Variants in MYO9A observed in about 807,000 individuals in gnomAD.
MYO9A encodes unconventional myosin-IXa.
In MYO9A, 103 loss-of-function variants were observed where a neutral mutation model predicts 293.3. The observed-to-expected ratio is 0.35, with a 90% CI of 0.30 to 0.41. The LOEUF (loss-of-function observed/expected upper bound fraction) is 0.41. MYO9A is among the 10% of genes least tolerant of loss of function. The pLI is 1.00. For missense variants in MYO9A, 2,685 were observed against 3,033.0 expected (o/e 0.89, Z 2.69); for synonymous variants, 1,001 against 1,035.7 (o/e 0.97, Z 0.64).
At chr15:72,021,785 A>G (rs538285940) in intron 4 of MYO9A, among the ~76,000 whole-genome samples, 2 of 152,334 alleles carry the variant, frequency 1.3e-5, no homozygotes, top group South Asian at 4.1e-4. Flanking sequence ...GGGAATCTAG[A>G]AGGTCATATG....
chr15:71,956,423 G>A (rs1465992976), intron 14 of MYO9A, among the ~76,000 whole-genome samples: 1 of 146,572 alleles, frequency 6.8e-6, no homozygotes, highest in Non-Finnish European at 1.5e-5. Context: ...TGGGTCACCT[G>A]AGGTCAGGAG....
intron 6 of MYO9A, among the ~76,000 whole-genome samples, chr15:72,012,398 A>C (rs1423497583): frequency 1.3e-5 from 2 of 151,960 alleles, no homozygotes; most frequent in African/African-American, 4.8e-5. Flanking sequence ...GGGTTCAAGC[A>C]ATTCCCCTGC....
intron 33 of MYO9A, among the ~76,000 whole-genome samples, chr15:71,860,258 T>C (rs1047820034): frequency 1.1e-4 from 17 of 152,190 alleles, no homozygotes; most frequent in African/African-American, 3.6e-4. Flanking sequence ...TGAAAACTAA[T>C]TGGGTAGCAC....
Position 72,099,439 on chromosome 15 carries a change from A to AAG in MYO9A, c.-72+18240_-72+18241insCT, listed in dbSNP as rs1555425445. The stretch of plus-strand genomic sequence containing the variant: ...CCCTGCCCCAAAAAAAAAAAAAAAA[A>AAG]AAAGAAAAAAAAATTAGCCAGGTCT... On this transcript the variant is annotated intron_variant, in intron 1 of 41. Transcript: ENST00000356056. 3.5e-4 allele frequency among the ~76,000 whole-genome samples: 52 copies of AAG among 150,376 alleles called. No individual in the cohort carries two copies. In the South Asian group the frequency reaches 4.0e-3, roughly 12 times the overall value.
At chr15:71,930,510 A>T (rs1383238392) in intron 18 of MYO9A, among the ~76,000 whole-genome samples, 1 of 152,006 alleles carries the variant, frequency 6.6e-6, no homozygotes, top group African/African-American at 2.4e-5. Context: ...TATAAGGATA[A>T]CTACTGTTGC....
rs1248423346 is a variant in MYO9A, at chr15:71,893,695, C to T, written c.5126G>A (p.Gly1709Glu). 1 of 1,613,686 alleles carries T rather than the reference C, an allele frequency of 6.2e-7. No individual in the cohort carries two copies. Among genetic ancestry groups the T allele is most frequent in the African/African-American group, 1.3e-5 (1 of 74,898 alleles). ...EPAWKPVKLA[G>E]PGQRETSQRF... ...AAAACTTACCTCTCTTTGGCCTGGCCCAGCTAACTTCACAGGTTTCCATGC... is the reference window on the plus strand; with the variant it reads ...AAAACTTACCTCTCTTTGGCCTGGCTCAGCTAACTTCACAGGTTTCCATGC... Residue 1709 changes from glycine (G) to glutamate (E), a missense_variant, in exon 26 of 42, where the codon GGG (glycine) becomes GAG (glutamate). Transcript: ENST00000356056.
chr15:72,104,899 A>G (rs2080513680), intron 1 of MYO9A, among the ~76,000 whole-genome samples: 2 of 152,240 alleles, frequency 1.3e-5, no homozygotes, highest in South Asian at 4.1e-4. Flanking sequence ...ACATAAGAGC[A>G]GAATTTTCAG....
chr15:72,101,121 C>T (rs1295805352), intron 1 of MYO9A, among the ~76,000 whole-genome samples: 1 of 128,772 alleles, frequency 7.8e-6, no homozygotes, highest in African/African-American at 2.9e-5. Context: ...GAGGTCGGGG[C>T]ATCAGCCTCC....
intron 18 of MYO9A, among the ~76,000 whole-genome samples, chr15:71,924,537 C>T (rs960584345): frequency 3.3e-5 from 5 of 152,060 alleles, no homozygotes; most frequent in African/African-American, 9.7e-5. Context: ...CCAAGGCCCC[C>T]GGCTCCCAAT....
At chr15:71,984,575 T>C (rs1383348803) in intron 11 of MYO9A, among the ~76,000 whole-genome samples, 2 of 152,170 alleles carry the variant, frequency 1.3e-5, no homozygotes, top group African/African-American at 2.4e-5. Flanking sequence ...AAAATTCCTA[T>C]GGCACATGTT....
intron 6 of MYO9A, among the ~76,000 whole-genome samples, chr15:72,017,533 A>T (rs1305817631): frequency 6.6e-6 from 1 of 152,192 alleles, no homozygotes; most frequent in African/African-American, 2.4e-5. Context: ...TTTTTTGTTA[A>T]AATGTATCAG....
At chr15:71,838,019 A>G (rs2055008704) in intron 39 of MYO9A, among the ~76,000 whole-genome samples, 2 of 151,742 alleles carry the variant, frequency 1.3e-5, no homozygotes, top group South Asian at 4.1e-4. Flanking sequence ...GTTTTTTTCC[A>G]TAATTGTTTT....
intron 16 of MYO9A, among the ~76,000 whole-genome samples, chr15:71,936,244 C>G (rs937114557): frequency 3.9e-5 from 6 of 151,982 alleles, no homozygotes; most frequent in African/African-American, 1.4e-4. Flanking sequence ...TGACCCCACT[C>G]GTATGTGGAA....
chr15:71,954,505 C>G (rs956661255), intron 14 of MYO9A, among the ~76,000 whole-genome samples: 3 of 152,196 alleles, frequency 2.0e-5, no homozygotes, highest in African/African-American at 7.2e-5. Flanking sequence ...ACCCAGCCTA[C>G]TCATCATCAA....
chr15:71,989,416 C>A (rs957466572), intron 11 of MYO9A, among the ~76,000 whole-genome samples: 3 of 152,116 alleles, frequency 2.0e-5, no homozygotes, highest in Admixed American at 2.0e-4. Flanking sequence ...TCCAGGACTC[C>A]CTGTGGATAC....
intron 1 of MYO9A, among the ~76,000 whole-genome samples, chr15:72,075,486 A>G (rs1001165574): frequency 1.3e-5 from 2 of 151,956 alleles, no homozygotes; most frequent in African/African-American, 4.8e-5. Flanking sequence ...ATATTTTGTC[A>G]CAGAAGAAGA....
rs919236835 is a variant in MYO9A at position 71,830,289 on chromosome 15, C to G, written c.6860G>C (p.Gly2287Ala). 6.2e-7 allele frequency: 1 copy of G among 1,613,426 alleles called. No homozygotes were observed. The highest frequency in any genetic ancestry group is 8.5e-7 in the Non-Finnish European group (1 of 1,179,828). The change falls in exon 40 of 42, where the codon GGA becomes GCA. Residue 2287 changes from glycine (G) to alanine (A), a missense_variant. This residue lies in a region of MYO9A where 350 missense variants were observed against 328.9 expected (regional missense o/e 1.06). Transcript: ENST00000356056. ...AGGAGACGATGGACCTGGATAGTTTCCTCGACGAATACGCCCCTTTCCCTG... is the reference window on the plus strand; with the variant it reads ...AGGAGACGATGGACCTGGATAGTTTGCTCGACGAATACGCCCCTTTCCCTG... ...RSMGKGRIRRGNYPGPSSPVV... is the reference protein window; with the variant it reads ...RSMGKGRIRRANYPGPSSPVV...
intron 9 of MYO9A, 138 bp downstream of exon 9, chr15:71,999,713 A>G (rs1428701512): frequency 3.5e-6 from 2 of 565,450 alleles, no homozygotes; most frequent in Non-Finnish European, 6.1e-6. Context: ...TCACAATCAA[A>G]TGTAAAGGCC....
At chr15:72,022,388 C>T (rs1243976560) in intron 4 of MYO9A, among the ~76,000 whole-genome samples, 2 of 151,852 alleles carry the variant, frequency 1.3e-5, no homozygotes, top group Non-Finnish European at 2.9e-5. Flanking sequence ...GGCATCATGA[C>T]GTGCGCCTGT....
Sources: gnomAD v4.1 joint callset for allele counts (sites outside exome capture counted in the v4.1 genomes callset) on GRCh38, gnomAD v4.1.1 for gene constraint, gnomAD v4.1.1 regional missense constraint, MANE v1.5 for transcripts, NCBI Gene and HGNC (gene_info 2026-07-23, HGNC 2026-07-21) for gene names.